CBFA2T2: variants seen among roughly 807,000 people sequenced by gnomAD.
The protein encoded by CBFA2T2 is protein CBFA2T2.
Under a neutral mutation model 62.2 loss-of-function variants are expected in CBFA2T2, and 11 were observed. The ratio of observed to expected loss-of-function variants is 0.18; its 90% confidence interval spans 0.11 to 0.29. CBFA2T2 has a LOEUF of 0.29. CBFA2T2 is among the 10% of genes least tolerant of loss of function. The pLI is 1.00. For missense variants in CBFA2T2, 592 were observed against 774.1 expected, an observed-to-expected ratio of 0.76 and a Z score of 2.79; for synonymous variants, 295 against 287.5, an observed-to-expected ratio of 1.03 and a Z score of -0.27.
chr20:33,635,829 T>G (rs1349874219), intron 8 of CBFA2T2, among the ~76,000 whole-genome samples: 1 of 152,022 alleles, frequency 6.6e-6, no homozygotes, highest in African/African-American at 2.4e-5. Context: ...GAGCCAGTGA[T>G]CAGCTGTGTA....
intron 1 of CBFA2T2, among the ~76,000 whole-genome samples, chr20:33,579,334 T>C (rs1007587094): frequency 2.4e-4 from 36 of 151,912 alleles, no homozygotes; most frequent in African/African-American, 8.5e-4. Flanking sequence ...TCCCAAAGCA[T>C]TGGGAATACA....
At chr20:33,570,320 A>G (rs926773742) in intron 1 of CBFA2T2, among the ~76,000 whole-genome samples, 6 of 152,178 alleles carry the variant, frequency 3.9e-5, no homozygotes, top group Non-Finnish European at 8.8e-5. Context: ...GAATTTGAAA[A>G]GCCCCTGGCA....
At chr20:33,570,384 G>A (rs1223344023) in intron 1 of CBFA2T2, among the ~76,000 whole-genome samples, 1 of 152,262 alleles carries the variant, frequency 6.6e-6, no homozygotes, top group Non-Finnish European at 1.5e-5. Context: ...GTAGAGCAAT[G>A]TGATTATATT....
At chr20:33,503,049 C>T (rs2011320285) in intron 1 of CBFA2T2, among the ~76,000 whole-genome samples, 1 of 136,848 alleles carries the variant, frequency 7.3e-6, no homozygotes, top group South Asian at 2.5e-4. Flanking sequence ...TGAGATCGCG[C>T]CACTGCGCTC....
chr20:33,560,775 C>T (rs1427927952), intron 1 of CBFA2T2, among the ~76,000 whole-genome samples: 4 of 152,152 alleles, frequency 2.6e-5, no homozygotes, highest in African/African-American at 9.6e-5. Flanking sequence ...TCTTTCATGC[C>T]GAATCTGTAT....
chr20:33,502,506 A>G (rs1055726568), intron 1 of CBFA2T2, among the ~76,000 whole-genome samples: 1 of 151,282 alleles, frequency 6.6e-6, no homozygotes, highest in Non-Finnish European at 1.5e-5. Flanking sequence ...TCCCGGGTTC[A>G]CGCCATTCTG....
At chr20:33,594,690 A>G (rs1601028620) in intron 1 of CBFA2T2, among the ~76,000 whole-genome samples, 2 of 152,118 alleles carry the variant, frequency 1.3e-5, no homozygotes, top group South Asian at 2.1e-4. Context: ...AGTGAGGTTT[A>G]TTTTTGGCCA....
intron 1 of CBFA2T2, among the ~76,000 whole-genome samples, chr20:33,596,595 C>T (rs947526559): frequency 6.6e-6 from 1 of 152,038 alleles, no homozygotes; most frequent in African/African-American, 2.4e-5. Flanking sequence ...TTCATGATCT[C>T]TAAGAGTGGA....
At chr20:33,558,116 T>C (rs1668225852) in intron 1 of CBFA2T2, among the ~76,000 whole-genome samples, 1 of 151,376 alleles carries the variant, frequency 6.6e-6, no homozygotes, top group South Asian at 2.1e-4. Flanking sequence ...TGTGAGCCAC[T>C]GCGCCTGGGC....
At chr20:33,633,456 G>A (rs1480892313) in intron 8 of CBFA2T2, among the ~76,000 whole-genome samples, 1 of 152,060 alleles carries the variant, frequency 6.6e-6, no homozygotes, top group African/African-American at 2.4e-5. Context: ...GAAGTAAAGT[G>A]GTTTGGTGAT....
intron 1 of CBFA2T2, among the ~76,000 whole-genome samples, chr20:33,525,840 G>A (rs1221712290): frequency 6.6e-6 from 1 of 152,056 alleles, no homozygotes; most frequent in Non-Finnish European, 1.5e-5. Context: ...TATTTGTAGA[G>A]ATGAAGTCTC....
At chr20:33,507,510 C>T (rs1380290821) in intron 1 of CBFA2T2, among the ~76,000 whole-genome samples, 1 of 152,170 alleles carries the variant, frequency 6.6e-6, no homozygotes, top group Non-Finnish European at 1.5e-5. Flanking sequence ...GCTAATTTAA[C>T]ATTTGAAACG....
At chr20:33,500,599 C>G (rs910472767) in intron 1 of CBFA2T2, among the ~76,000 whole-genome samples, 15 of 152,060 alleles carry the variant, frequency 9.9e-5, no homozygotes, top group Admixed American at 7.9e-4. Context: ...ATCACAGCTA[C>G]TTGGGAGGCT....
intron 1 of CBFA2T2, among the ~76,000 whole-genome samples, chr20:33,519,950 C>T (rs945440598): frequency 1.3e-5 from 2 of 152,028 alleles, no homozygotes; most frequent in African/African-American, 2.4e-5. Flanking sequence ...AGTTCGAGAC[C>T]AGCCTGACCA....
intron 1 of CBFA2T2, 79 bp from the exon 2 acceptor site, chr20:33,606,877 T>C (rs1810967308): frequency 7.3e-7 from 1 of 1,378,854 alleles, no homozygotes; most frequent in East Asian, 2.3e-5. Context: ...TCTAGGGAAG[T>C]ATGTTGGTAT....
chr20:33,533,088 CT>C (rs1350466216), intron 1 of CBFA2T2, among the ~76,000 whole-genome samples: 1 of 152,110 alleles, frequency 6.6e-6, no homozygotes, highest in East Asian at 1.9e-4. Flanking sequence ...CTTTTCCCCC[CT>C]TACATATACT....
At chr20:33,614,115 A>C (rs1314091332) in intron 3 of CBFA2T2, among the ~76,000 whole-genome samples, 1 of 125,124 alleles carries the variant, frequency 8.0e-6, no homozygotes, top group African/African-American at 3.5e-5. Flanking sequence ...ACTCCGTCTC[A>C]AAAAAAAAAA....
intron 1 of CBFA2T2, among the ~76,000 whole-genome samples, chr20:33,570,055 G>C (rs938234933): frequency 2.0e-5 from 3 of 152,256 alleles, no homozygotes; most frequent in East Asian, 3.9e-4. Flanking sequence ...CAAGGCGGGC[G>C]ATCACCTGAA....
rs1023334837 is a variant in CBFA2T2, at chr20:33,639,620, C to T, written c.1298-721C>T. Reference sequence around the variant, plus strand: ...GTTCAAGCCGGGGGTGGTGCCTCACCCCTATAACACTTTAACACCAACGCT... The same window carrying T: ...GTTCAAGCCGGGGGTGGTGCCTCACTCCTATAACACTTTAACACCAACGCT... On this transcript the variant is annotated intron_variant, in intron 9 of 10. Coordinates refer to ENST00000342704, the MANE Select transcript of CBFA2T2 (RefSeq NM_001032999.3). The T allele has an allele frequency of 2.0e-5, 3 of 150,244 alleles. No homozygotes were observed. In the Admixed American group the frequency reaches 2.0e-4, roughly 10 times the overall value. The allele number at this position is 150,244 out of a possible 1,614,324, so 9.3% of individuals were successfully genotyped here.
Sources: gnomAD v4.1 joint callset for allele counts (sites outside exome capture counted in the v4.1 genomes callset) on GRCh38, gnomAD v4.1.1 for gene constraint, MANE v1.5 for transcripts, NCBI Gene and HGNC (gene_info 2026-07-23, HGNC 2026-07-21) for gene names.